Variants in CFAP157 observed in about 807,000 individuals in gnomAD.
CFAP157 encodes the protein cilia and flagella associated protein 157, also known as cilia- and flagella-associated protein 157.
CFAP157 carries 43 observed loss-of-function variants against 57.8 expected under a neutral mutation model. The observed-to-expected ratio is 0.74, with a 90% confidence interval of 0.58 to 0.96. The LOEUF is 0.96. Among genes scored for constraint, CFAP157 ranks in the 40% least tolerant of loss-of-function variants. CFAP157 has a pLI of 0.00. For synonymous variants in CFAP157, 267 were observed against 269.0 expected (o/e 0.99, Z 0.07); for missense variants, 606 against 655.3 (o/e 0.92, Z 0.82).
chr9:127,714,941 G>GGCCCCCCCCCCCCCCCCCC lies in CFAP157; in HGVS notation c.*1036_*1037insGCCCCCCCCCCCCCCCCCC. Reference sequence around the variant, plus strand: ...CCGCGCCCCAACCCCCACCCCCTTGGCCCGCCCGCCCACCCCTGGCGCTCT... The same window carrying GGCCCCCCCCCCCCCCCCCC: ...CCGCGCCCCAACCCCCACCCCCTTGGGCCCCCCCCCCCCCCCCCCCCCGCCCGCCCACCCCTGGCGCTCT... On this transcript the variant is annotated 3_prime_UTR_variant, in exon 9 of 9. Transcript: ENST00000373295. The GGCCCCCCCCCCCCCCCCCC allele has an allele frequency of 2.2e-6, 1 of 446,380 alleles. No homozygotes were observed. Among genetic ancestry groups the GGCCCCCCCCCCCCCCCCCC allele is most frequent in the South Asian group, 2.1e-5 (1 of 47,490 alleles). The allele number at this position is 446,380 out of a possible 1,614,324, so 27.7% of individuals were successfully genotyped here.
chr9:127,712,741 C>T lies in CFAP157; in HGVS notation c.1170C>T (p.Asp390=), dbSNP rs553511710. The change falls in exon 7 of 9, where the codon GAC becomes GAT. Residue 390 remains aspartate, a synonymous_variant. Coordinates refer to ENST00000373295, the MANE Select transcript of CFAP157 (RefSeq NM_001012502.3). ...GCGATGAAGAGGACAGTGACGTTGA[C>T]GTGACGTTCCAGCCATGGCACAAGG... ...MHRDEEDSDV[D]VTFQPWHKEM... is the part of the protein sequence containing the mutation. 2.2e-5 allele frequency: 36 copies of T among 1,614,162 alleles called. 1 individual carries two copies. Among genetic ancestry groups the T allele is most frequent in the Middle Eastern group, 3.3e-4 (2 of 6,062 alleles).
rs924761442 is a variant in CFAP157 at position 127,714,432 on chromosome 9, G to A, written c.*527G>A. ...CGGACTCCATTGTGGCCCCTTCAAG[G>A]GATATGGGAGGGGCAGTTAGTGCCT... is the stretch of plus-strand genomic sequence containing the variant. On this transcript the variant is annotated 3_prime_UTR_variant, in exon 9 of 9. Coordinates refer to ENST00000373295, the MANE Select transcript of CFAP157 (RefSeq NM_001012502.3). The A allele has an allele frequency of 6.8e-6, 11 of 1,614,008 alleles. No homozygotes were observed. Among genetic ancestry groups the A allele is most frequent in the African/African-American group, 1.3e-5 (1 of 74,928 alleles).
Position 127,710,811 on chromosome 9 carries a change from A to T in CFAP157, c.587+57A>T, listed in dbSNP as rs1842749329. 46 of 1,538,182 alleles carry T rather than the reference A, an allele frequency of 3.0e-5. No homozygotes were observed. The South Asian group carries it at 5.5e-4, about 18-fold the overall frequency. On this transcript the variant is annotated intron_variant, in intron 3 of 8. Transcript: ENST00000373295. ...GGAGGCTTCATCCCTGGGGCTACGA[A>T]CATCCTAGTCTTCAGGCCTCAGCTT...
At chr9:127,713,766 C>A in intron 8 of CFAP157, 68 bp from the exon 9 acceptor site, 1 of 1,385,028 alleles carries the variant, frequency 7.2e-7, no homozygotes, top group South Asian at 1.2e-5. Context: ...CTCGGCCTCC[C>A]AAAGTGCTGG....
rs1372054162 is a variant in CFAP157 at position 127,715,073 on chromosome 9, G to A, written c.*1168G>A. Reference sequence around the variant, plus strand: ...CAGCGGGGCCAGGGCGAGGTCGGCGGCACAGTGCCGGTCGCGCGTCCAACT... The same window carrying A: ...CAGCGGGGCCAGGGCGAGGTCGGCGACACAGTGCCGGTCGCGCGTCCAACT... On this transcript the variant is annotated 3_prime_UTR_variant, in exon 9 of 9. Transcript: ENST00000373295. This position sits in a 1 kb window ranked among gnomAD's most constrained non-coding sequence, Gnocchi z 5.8. The A allele has an allele frequency of 6.5e-7, 1 of 1,530,698 alleles. No individual in the cohort carries two copies. The highest frequency in any genetic ancestry group is 1.2e-5 in the South Asian group (1 of 83,502). The allele number at this position is 1,530,698 out of a possible 1,614,324, so 94.8% of individuals were successfully genotyped here.
intron 1 of CFAP157, among the ~76,000 whole-genome samples, chr9:127,708,505 TA>T (rs922349397): frequency 1.1e-4 from 16 of 152,068 alleles, no homozygotes; most frequent in East Asian, 1.9e-4. Context: ...TTAATTTAAT[TA>T]AAAAAAACTT....
At chr9:127,712,949 G>C in intron 7 of CFAP157, 71 bp from the exon 8 acceptor site, 1 of 1,592,144 alleles carries the variant, frequency 6.3e-7, no homozygotes, top group South Asian at 1.1e-5. Flanking sequence ...CATGGGGACA[G>C]TGCTCGGCTC....
chr9:127,712,190 G>C lies in CFAP157; in HGVS notation c.987-9G>C. ...GGAAGGCTGTTGACTCATCCCAGTT[G>C]GGGTCCAGGAGCCAGAGAGACCAGC... On this transcript the variant is annotated splice_polypyrimidine_tract_variant and intron_variant, in intron 5 of 8. Transcript: ENST00000373295. The C allele has an allele frequency of 6.2e-7, 1 of 1,613,820 alleles. No homozygotes were observed. Among genetic ancestry groups the C allele is most frequent in the Non-Finnish European group, 8.5e-7 (1 of 1,179,924 alleles).
chr9:127,714,744 C>A lies in CFAP157; in HGVS notation c.*839C>A, dbSNP rs780806087. 1 of 1,504,102 alleles carries A rather than the reference C, an allele frequency of 6.6e-7. No homozygotes were observed. Among genetic ancestry groups the A allele is most frequent in the Non-Finnish European group, 9.1e-7 (1 of 1,093,476 alleles). The allele number at this position is 1,504,102 out of a possible 1,614,324, so 93.2% of individuals were successfully genotyped here. On this transcript the variant is annotated 3_prime_UTR_variant, in exon 9 of 9. Coordinates refer to ENST00000373295, the MANE Select transcript of CFAP157 (RefSeq NM_001012502.3). The stretch of plus-strand genomic sequence containing the variant: ...GGCAGCCCTGGTTACTGCCCATCTG[C>A]CCAGAGAGGCACTGTCCCGACTCCC...
rs1263640439 is a variant in CFAP157 at position 127,711,262 on chromosome 9, C to T, written c.621C>T (p.Leu207=). Residue 207 remains leucine (L), a synonymous_variant, in exon 4 of 9, where the codon CTC becomes CTT. Coordinates refer to ENST00000373295, the MANE Select transcript of CFAP157 (RefSeq NM_001012502.3). The part of the protein sequence containing the change: ...LRKEIIQRVN[L]VANEFHKVTT... Reference sequence around the variant, plus strand: ...AAGAGATCATCCAGCGCGTGAACCTCGTGGCCAATGAGTTCCACAAGGTGA... The same window carrying T: ...AAGAGATCATCCAGCGCGTGAACCTTGTGGCCAATGAGTTCCACAAGGTGA... 14 of 1,614,036 alleles carry T rather than the reference C, an allele frequency of 8.7e-6. No individual in the cohort carries two copies. In the South Asian group the frequency reaches 1.1e-4, roughly 13 times the overall value.
At position 127,715,161 on chromosome 9, in the gene CFAP157, T is replaced by C; in HGVS notation, c.*1256T>C. ...ACCGCCATGCCCACGCTGTGTCGCG[T>C]GCCGGGCAGTCCGGGATTCCCCAGG... On this transcript the variant is annotated 3_prime_UTR_variant, in exon 9 of 9. Coordinates refer to ENST00000373295, the MANE Select transcript of CFAP157 (RefSeq NM_001012502.3). This position sits in a 1 kb window ranked among gnomAD's most constrained non-coding sequence, Gnocchi z 5.8. 6.5e-7 allele frequency: 1 copy of C among 1,533,304 alleles called. No individual in the cohort carries two copies. The highest frequency in any genetic ancestry group is 8.7e-7 in the Non-Finnish European group (1 of 1,145,468). The allele number at this position is 1,533,304 out of a possible 1,614,324, so 95.0% of individuals were successfully genotyped here.
At chr9:127,713,449 G>T (rs1489341730) in intron 8 of CFAP157, 5 of 372,250 alleles carry the variant, frequency 1.3e-5, no homozygotes, top group African/African-American at 8.7e-5. Flanking sequence ...AGCAGGGAAA[G>T]AGTGGGATCC....
intron 2 of CFAP157, among the ~76,000 whole-genome samples, 193 bp from the exon 3 acceptor site, chr9:127,710,408 G>C (rs1842737950): frequency 6.6e-6 from 1 of 152,128 alleles, no homozygotes; most frequent in African/African-American, 2.4e-5. Flanking sequence ...GGGGTGGAGG[G>C]AGGGCAACCC....
Position 127,714,013 on chromosome 9 carries a change from G to A in CFAP157, c.*108G>A. On this transcript the variant is annotated 3_prime_UTR_variant, in exon 9 of 9. Coordinates refer to ENST00000373295, the MANE Select transcript of CFAP157 (RefSeq NM_001012502.3). ...AGTCTAGAGGAGATTTGTATAAAAA[G>A]TAGATACCAAGGCTGGCGTGGCAGC... is the stretch of plus-strand genomic sequence containing the variant. 6.3e-7 allele frequency: 1 copy of A among 1,583,176 alleles called. No homozygotes were observed. Among genetic ancestry groups the A allele is most frequent in the East Asian group, 2.2e-5 (1 of 44,614 alleles).
At chr9:127,708,598 A>G (rs1195346815) in intron 1 of CFAP157, among the ~76,000 whole-genome samples, 1 of 152,226 alleles carries the variant, frequency 6.6e-6, no homozygotes, top group Non-Finnish European at 1.5e-5. Context: ...TGAAATTCAC[A>G]AACTTCCCTT....
rs559735923 is a variant in CFAP157 at position 127,707,253 on chromosome 9, C to A, written c.161+61C>A. 4.4e-5 allele frequency: 69 copies of A among 1,573,964 alleles called. No homozygotes were observed. In the African/African-American group the frequency reaches 8.0e-4, roughly 18 times the overall value. ...GGTCAGAAGCCCATGCCCAGGTGGCCCCCATGCAGGTTTGGCCATGGGGCC... is the reference window on the plus strand; with the variant it reads ...GGTCAGAAGCCCATGCCCAGGTGGCACCCATGCAGGTTTGGCCATGGGGCC... On this transcript the variant is annotated intron_variant, in intron 1 of 8. Transcript: ENST00000373295.
In CFAP157 at chr9:127,715,018, T is replaced by C; in HGVS notation, c.*1113T>C. ...GCCCGTTGGCGTTCATAAGCCGCCG[T>C]GGCCGGAGCAGGACCAGTTGGGCAT... is the stretch of plus-strand genomic sequence containing the variant. On this transcript the variant is annotated 3_prime_UTR_variant, in exon 9 of 9. Coordinates refer to ENST00000373295, the MANE Select transcript of CFAP157 (RefSeq NM_001012502.3). This position sits in a 1 kb window ranked among gnomAD's most constrained non-coding sequence, Gnocchi z 5.8. 1 of 1,419,402 alleles carries C rather than the reference T, an allele frequency of 7.0e-7. No homozygotes were observed. The highest frequency in any genetic ancestry group is 9.3e-7 in the Non-Finnish European group (1 of 1,079,272). 87.9% of individuals were successfully genotyped at this position (1,419,402 alleles called of 1,614,324 possible). A position where few individuals can be genotyped will look rare whatever the true frequency, so the allele number is the denominator to read the frequency against.
rs1564372149 is a variant in CFAP157, at chr9:127,715,641, C to A, written c.*1736C>A. The A allele has an allele frequency of 7.4e-6, 12 of 1,611,184 alleles. No homozygotes were observed. The highest frequency in any genetic ancestry group is 1.0e-5 in the Non-Finnish European group (12 of 1,179,754). On this transcript the variant is annotated 3_prime_UTR_variant, in exon 9 of 9. Coordinates refer to ENST00000373295, the MANE Select transcript of CFAP157 (RefSeq NM_001012502.3). This position sits in a 1 kb window ranked among gnomAD's most constrained non-coding sequence, Gnocchi z 5.8. ...GCCCAAAAAGCCGCCCGGCCTCATG[C>A]TGCCCCCATTCACTCCGACACCGCC...
chr9:127,713,903 T>G lies in CFAP157; in HGVS notation c.1561T>G (p.Ter521GluextTer21). 1 of 1,613,654 alleles carries G rather than the reference T, an allele frequency of 6.2e-7. No individual in the cohort carries two copies. Among genetic ancestry groups the G allele is most frequent in the Non-Finnish European group, 8.5e-7 (1 of 1,179,750 alleles). The part of the protein sequence containing the change: ...SLPEVPLRPK[*>E] Reference sequence around the variant, plus strand: ...TCCTGAAGTTCCCCTACGTCCCAAGTAGGACACAGAGAGAAGAACCTACTC... The same window carrying G: ...TCCTGAAGTTCCCCTACGTCCCAAGGAGGACACAGAGAGAAGAACCTACTC... Residue 521 changes from the stop codon to glutamate, a stop_lost, in exon 9 of 9, where the codon TAG (stop) becomes GAG (glutamate). Transcript: ENST00000373295.
Sources: gnomAD v4.1 joint callset for allele counts (sites outside exome capture counted in the v4.1 genomes callset) on GRCh38, gnomAD v4.1.1 for gene constraint, Gnocchi (gnomAD v3.1) non-coding constraint, MANE v1.5 for transcripts, NCBI Gene and HGNC (gene_info 2026-07-23, HGNC 2026-07-21) for gene names.